The following GPRC5C variants were observed in gnomAD, a reference collection of about 807,000 sequenced individuals.
GPRC5C encodes the protein G protein-coupled receptor class C group 5 member C.
GPRC5C carries 22 observed loss-of-function variants against 31.4 expected under a neutral mutation model. That is an observed-to-expected ratio of 0.70 (90% CI 0.50 to 1.00). The LOEUF is 1.00. Ranked by LOEUF, GPRC5C falls within the 50% of genes least tolerant of loss-of-function variation. The pLI is 0.00. For missense variants in GPRC5C, 557 were observed against 597.2 expected, an observed-to-expected ratio of 0.93 and a Z score of 0.70; for synonymous variants, 249 against 257.5, an observed-to-expected ratio of 0.97 and a Z score of 0.32.
chr17:74,435,183 C>T (rs1260807428), intron 1 of GPRC5C, among the ~76,000 whole-genome samples: 4 of 152,114 alleles, frequency 2.6e-5, no homozygotes, highest in African/African-American at 4.8e-5. Context: ...CACGCCACTG[C>T]GCTCCAGCCT....
At chr17:74,438,541 G>A (rs1265082657) in intron 1 of GPRC5C, among the ~76,000 whole-genome samples, 1 of 151,536 alleles carries the variant, frequency 6.6e-6, no homozygotes, top group East Asian at 1.9e-4. Flanking sequence ...GATTACAGGC[G>A]TGAGCCACTG....
At chr17:74,442,833 C>G (rs2670824) in intron 2 of GPRC5C, among the ~76,000 whole-genome samples, 143,966 of 152,258 alleles carry the variant, frequency 0.95, 68,172 homozygotes, top group East Asian at 1. Context: ...GTGTGCATGG[C>G]GGGGGTGGAA....
chr17:74,443,905 A>G lies in GPRC5C; in HGVS notation c.1139A>G (p.Lys380Arg). ...YQPTEMALMHKVPSEGAYDII... is the reference protein window; with the variant it reads ...YQPTEMALMHRVPSEGAYDII... The stretch of plus-strand genomic sequence containing the variant: ...CCCACTGAGATGGCCCTGATGCACA[A>G]AGTTCCGGTAAGTGGGTTCCCCAGG... Residue 380 changes from lysine (K) to arginine (R), a missense_variant, in exon 3 of 4, where the codon AAA becomes AGA. Physicochemically the swap from Lys to Arg is conservative, Grantham distance 26. Transcript: ENST00000392627. The G allele has an allele frequency of 6.2e-7, 1 of 1,606,036 alleles. No homozygotes were observed. The highest frequency in any genetic ancestry group is 8.5e-7 in the Non-Finnish European group (1 of 1,172,942).
intron 3 of GPRC5C, among the ~76,000 whole-genome samples, chr17:74,444,200 G>A (rs1023483342): frequency 2.6e-5 from 4 of 152,192 alleles, no homozygotes; most frequent in Non-Finnish European, 4.4e-5. Context: ...GGGAATGCTG[G>A]GTGAGCTCTC....
chr17:74,439,633 A>T, intron 1 of GPRC5C, 112 bp from the exon 2 acceptor site: 1 of 991,172 alleles, frequency 1.0e-6, no homozygotes, highest in Non-Finnish European at 1.5e-6. Flanking sequence ...AGAGAGCCTC[A>T]CGGTCAGCAG....
intron 1 of GPRC5C, 111 bp from the exon 2 acceptor site, chr17:74,439,634 C>A: frequency 1.0e-6 from 1 of 998,836 alleles, no homozygotes; most frequent in East Asian, 2.4e-5. Flanking sequence ...GAGAGCCTCA[C>A]GGTCAGCAGC....
At chr17:74,434,555 TC>T (rs1370257381) in intron 1 of GPRC5C, among the ~76,000 whole-genome samples, 2 of 152,184 alleles carry the variant, frequency 1.3e-5, no homozygotes, top group Non-Finnish European at 2.9e-5. Flanking sequence ...GGCAGAAGTT[TC>T]CTCCAGGGTC....
rs144073326 is a variant in GPRC5C at position 74,446,964 on chromosome 17, C to T, written c.1262C>T (p.Ala421Val). Residue 421 changes from alanine (A) to valine (V), a missense_variant, in exon 4 of 4, where the codon GCG becomes GTG. Coordinates refer to ENST00000392627, the MANE Select transcript of GPRC5C (RefSeq NM_022036.4). ...EDMYSAQSHQAATPPKDGKNS... is the reference protein window; with the variant it reads ...EDMYSAQSHQVATPPKDGKNS... ...ATGTACTCGGCCCAGAGCCACCAGG[C>T]GGCCACACCGCCGAAAGACGGCAAG... 1.5e-5 allele frequency: 25 copies of T among 1,614,022 alleles called. No individual in the cohort carries two copies. The highest frequency in any genetic ancestry group is 1.2e-4 in the African/African-American group (9 of 74,940).
At chr17:74,438,200 C>A (rs2055463546) in intron 1 of GPRC5C, among the ~76,000 whole-genome samples, 2 of 85,690 alleles carry the variant, frequency 2.3e-5, no homozygotes, top group Non-Finnish European at 2.2e-5. Context: ...ACACTCTCTG[C>A]TAATTCATAT....
intron 1 of GPRC5C, chr17:74,432,436 G>T (rs1020833510): frequency 2.8e-5 from 32 of 1,125,220 alleles, no homozygotes; most frequent in Non-Finnish European, 3.4e-5. Flanking sequence ...GCCCCGCGCC[G>T]CGTCCCTCCC....
At chr17:74,443,361 G>A (rs1006933446) in intron 2 of GPRC5C, 9 of 327,026 alleles carry the variant, frequency 2.8e-5, no homozygotes, top group South Asian at 5.0e-5. Context: ...GACATGAACA[G>A]GCTTAGGCCG....
At chr17:74,450,714 A>C (rs1237280125), downstream of GPRC5C, 4 of 149,782 alleles carry the variant, frequency 2.7e-5, no homozygotes, top group African/African-American at 9.7e-5. Context: ...CACCCAGCAA[A>C]GAGGGGGTAC....
At chr17:74,446,650 C>A in intron 3 of GPRC5C, 199 bp from the exon 4 acceptor site, 2 of 567,820 alleles carry the variant, frequency 3.5e-6, no homozygotes. Flanking sequence ...TTCCCATGCC[C>A]AGAGGCAGGG....
At chr17:74,435,111 C>T (rs1170732086) in intron 1 of GPRC5C, among the ~76,000 whole-genome samples, 5 of 151,896 alleles carry the variant, frequency 3.3e-5, no homozygotes, top group Middle Eastern at 3.4e-3. Flanking sequence ...CCCAGCTACT[C>T]GGGAGGCTGA....
chr17:74,434,644 C>T (rs1452976018), intron 1 of GPRC5C, among the ~76,000 whole-genome samples: 3 of 152,154 alleles, frequency 2.0e-5, no homozygotes, highest in Non-Finnish European at 2.9e-5. Context: ...GGCATTGGGC[C>T]GGGAACGGTG....
chr17:74,436,476 T>C (rs1357972133), intron 1 of GPRC5C, among the ~76,000 whole-genome samples: 1 of 152,216 alleles, frequency 6.6e-6, no homozygotes, highest in African/African-American at 2.4e-5. Flanking sequence ...CCTGTCTCTC[T>C]CCTGCAGGTA....
chr17:74,437,629 A>ATTTTTTTTTTTTTTTTTTTTTTTTTTT (rs57390968), intron 1 of GPRC5C, among the ~76,000 whole-genome samples: 3 of 129,876 alleles, frequency 2.3e-5, no homozygotes, highest in Admixed American at 7.4e-5. Context: ...TATGGACAGA[A>ATTTTTTTTTTTTTTTTTTTTTTTTTTT]TTTTTTTTTT....
downstream of GPRC5C, chr17:74,448,683 A>G (rs2144457981): frequency 2.4e-6 from 1 of 414,222 alleles, no homozygotes; most frequent in Middle Eastern, 3.7e-4. Context: ...TCGGCCCATC[A>G]GCTCATTTTA....
At chr17:74,450,781 G>A (rs2055706622), downstream of GPRC5C, 1 of 152,216 alleles carries the variant, frequency 6.6e-6, no homozygotes, top group South Asian at 2.1e-4. Flanking sequence ...TCGTGAAAAT[G>A]AGCTCTCTAT....
Sources: allele counts gnomAD v4.1 joint callset (sites outside exome capture counted in the v4.1 genomes callset), GRCh38; gene constraint gnomAD v4.1.1; transcripts MANE v1.5; gene names NCBI Gene and HGNC (gene_info 2026-07-23, HGNC 2026-07-21).